The following SLBP variants were observed in gnomAD, a reference collection of about 807,000 sequenced individuals.
SLBP encodes histone RNA hairpin-binding protein.
SLBP carries 29 observed loss-of-function variants against 39.2 expected under a neutral mutation model. That is an observed-to-expected ratio of 0.74 (90% CI 0.55 to 1.01). SLBP has a LOEUF of 1.01. SLBP is among the 50% of genes least tolerant of loss of function. The pLI is 0.00. For missense variants in SLBP, 390 were observed against 350.2 expected (o/e 1.11, Z -0.91); for synonymous variants, 129 against 118.7 (o/e 1.09, Z -0.57).
chr4:1,693,688 T>C lies in SLBP; in HGVS notation c.722A>G (p.Lys241Arg), dbSNP rs776154435. ...CACTTGACTGTCCATGTGTCTCACC[T>C]TGGTGGGTGTGCCAGAGTACACATC... is the stretch of plus-strand genomic sequence containing the variant. ...DFDVYSGTPTKVRHMDSQVED... is the reference protein window; with the variant it reads ...DFDVYSGTPTRVRHMDSQVED... Residue 241 changes from lysine to arginine, a missense_variant, in exon 8 of 8, where the codon AAG becomes AGG. Transcript: ENST00000489418. 1 of 1,613,072 alleles carries C rather than the reference T, an allele frequency of 6.2e-7. No individual in the cohort carries two copies. Among genetic ancestry groups the C allele is most frequent in the Non-Finnish European group, 8.5e-7 (1 of 1,179,014 alleles).
chr4:1,706,835 GAATA>G (rs903321419), intron 2 of SLBP, among the ~76,000 whole-genome samples: 1 of 151,376 alleles, frequency 6.6e-6, no homozygotes. Context: ...AAAAATAAAT[GAATA>G]AATAAATAAT....
At chr4:1,711,544 G>T (rs1560264702) in intron 2 of SLBP, among the ~76,000 whole-genome samples, 2 of 152,166 alleles carry the variant, frequency 1.3e-5, no homozygotes, top group African/African-American at 4.8e-5. Context: ...TTCTCCTCGG[G>T]ACTCGGGTGT....
At chr4:1,701,195 G>A (rs1716314982) in intron 3 of SLBP, among the ~76,000 whole-genome samples, 2 of 140,234 alleles carry the variant, frequency 1.4e-5, no homozygotes, top group South Asian at 4.5e-4. Context: ...GCCCAGACTG[G>A]AGTGCAATGG....
At chr4:1,699,936 G>T in intron 4 of SLBP, 75 bp downstream of exon 4, 1 of 1,075,330 alleles carries the variant, frequency 9.3e-7, no homozygotes, top group South Asian at 1.4e-5. Flanking sequence ...CAGCATTTCT[G>T]ACAGTCACAA....
intron 5 of SLBP, among the ~76,000 whole-genome samples, chr4:1,698,172 CAATATGGTAA>C (rs1716189569): frequency 6.6e-6 from 1 of 151,556 alleles, no homozygotes; most frequent in African/African-American, 2.4e-5. Flanking sequence ...CCAGCCTGGC[CAATATGGTAA>C]AACCCCATCT....
intron 7 of SLBP, among the ~76,000 whole-genome samples, chr4:1,693,917 G>A (rs533445854): frequency 1.3e-5 from 2 of 152,268 alleles, no homozygotes; most frequent in South Asian, 2.1e-4. Context: ...ACGTTTAGAT[G>A]TGCACACATC....
Position 1,711,887 on chromosome 4 carries a change from G to T in SLBP, c.163C>A (p.Arg55Ser). 7.4e-7 allele frequency: 1 copy of T among 1,357,088 alleles called. No homozygotes were observed. Among genetic ancestry groups the T allele is most frequent in the Non-Finnish European group, 9.5e-7 (1 of 1,054,170 alleles). 84.1% of individuals were successfully genotyped at this position (1,357,088 alleles called of 1,614,324 possible). The change falls in exon 2 of 8, where the codon CGC becomes AGC. Residue 55 changes from arginine (R) to serine (S), a missense_variant. Transcript: ENST00000489418. ...AEEAEHRGAE[R>S]RPESFTTPEG... ...TCCCGCGCCCACCTCTCGGGTCTGC[G>T]CTCGGCGCCGCGGTGCTCTGCCTCC... is the stretch of plus-strand genomic sequence containing the variant.
At chr4:1,695,423 TTC>T (rs904277355) in intron 6 of SLBP, among the ~76,000 whole-genome samples, 2 of 152,180 alleles carry the variant, frequency 1.3e-5, no homozygotes, top group Admixed American at 1.3e-4. Flanking sequence ...TACACGATCA[TTC>T]TCTCTACCTT....
intron 5 of SLBP, among the ~76,000 whole-genome samples, chr4:1,699,347 A>T (rs1379914035): frequency 1.3e-5 from 2 of 152,216 alleles, no homozygotes; most frequent in African/African-American, 4.8e-5. Context: ...TAACATTCAA[A>T]ATTATATGAA....
At chr4:1,706,905 G>A (rs913426222) in intron 2 of SLBP, among the ~76,000 whole-genome samples, 7 of 151,228 alleles carry the variant, frequency 4.6e-5, no homozygotes, top group African/African-American at 1.7e-4. Context: ...GGCCGAGGTA[G>A]GTAGATCACC....
chr4:1,696,602 A>T (rs184379216), intron 5 of SLBP, among the ~76,000 whole-genome samples: 4 of 152,062 alleles, frequency 2.6e-5, no homozygotes, highest in Admixed American at 2.6e-4. Flanking sequence ...AAACAGAACA[A>T]AAAAACAGCT....
intron 5 of SLBP, among the ~76,000 whole-genome samples, chr4:1,698,993 T>C (rs1189722681): frequency 1.3e-5 from 2 of 151,262 alleles, no homozygotes; most frequent in Non-Finnish European, 2.9e-5. Context: ...TCTCCTTATA[T>C]TGCCCAGGCT....
chr4:1,700,029 C>T lies in SLBP; in HGVS notation c.323G>A (p.Arg108Lys). 1 of 1,599,304 alleles carries T rather than the reference C, an allele frequency of 6.3e-7. No homozygotes were observed. Among genetic ancestry groups the T allele is most frequent in the Non-Finnish European group, 8.5e-7 (1 of 1,170,232 alleles). The change falls in exon 4 of 8, where the codon AGA (arginine) becomes AAA (lysine). Residue 108 changes from arginine to lysine, a missense_variant. Coordinates refer to ENST00000489418, the MANE Select transcript of SLBP (RefSeq NM_006527.4). ...KLLINDFGRE[R>K]KSSSGSSDSK... ...CCTTTACCTTCCTGATGATGATTTT[C>T]TCTCTCTTCCAAAGTCATTGATGAG...
intron 5 of SLBP, among the ~76,000 whole-genome samples, chr4:1,697,085 G>A (rs1160169927): frequency 1.3e-5 from 2 of 149,746 alleles, no homozygotes; most frequent in Admixed American, 1.3e-4. Flanking sequence ...TTGAACCTGG[G>A]AGGCGATGGT....
chr4:1,708,536 C>T (rs1716609743), intron 2 of SLBP, among the ~76,000 whole-genome samples: 1 of 152,202 alleles, frequency 6.6e-6, no homozygotes, highest in South Asian at 2.1e-4. Flanking sequence ...TGGATACAAG[C>T]ATCCTCACTA....
At chr4:1,696,897 C>CAA (rs535700408) in intron 5 of SLBP, among the ~76,000 whole-genome samples, 3 of 100,608 alleles carry the variant, frequency 3.0e-5, no homozygotes, top group African/African-American at 7.3e-5. Flanking sequence ...ACTTCACCTC[C>CAA]AAAAAAAAAA....
chr4:1,695,152 A>C (rs1412589999), intron 6 of SLBP, among the ~76,000 whole-genome samples: 1 of 152,170 alleles, frequency 6.6e-6, no homozygotes, highest in Non-Finnish European at 1.5e-5. Context: ...TGATGAACAT[A>C]CTATGCATTA....
In SLBP at chr4:1,693,375, T is replaced by C. The variant is rs1022742904; in HGVS notation, c.*222A>G. The C allele has an allele frequency of 6.5e-6, 3 of 460,832 alleles. No individual in the cohort carries two copies. Among genetic ancestry groups the C allele is most frequent in the African/African-American group, 5.9e-5 (3 of 50,932 alleles). 28.5% of individuals were successfully genotyped at this position (460,832 alleles called of 1,614,324 possible). On this transcript the variant is annotated 3_prime_UTR_variant, in exon 8 of 8. Coordinates refer to ENST00000489418, the MANE Select transcript of SLBP (RefSeq NM_006527.4). ...CGCTGGAAGAGAGCTTCAAGTACTT[T>C]CTTGGACTTAGCTCCATTTACAATT...
chr4:1,693,994 G>A (rs537000433), intron 7 of SLBP, among the ~76,000 whole-genome samples: 1 of 152,284 alleles, frequency 6.6e-6, no homozygotes, highest in South Asian at 2.1e-4. Context: ...TAGTTTATAA[G>A]CACAGAAAGA....
Sources: allele counts gnomAD v4.1 joint callset (sites outside exome capture counted in the v4.1 genomes callset), GRCh38; gene constraint gnomAD v4.1.1; transcripts MANE v1.5; gene names NCBI Gene and HGNC (gene_info 2026-07-23, HGNC 2026-07-21).